Variants in ERCC6L observed in about 807,000 individuals in gnomAD.
The protein encoded by ERCC6L is DNA excision repair protein ERCC-6-like.
In ERCC6L, 7 loss-of-function variants were observed where a neutral mutation model predicts 20.1. That is an observed-to-expected ratio of 0.35 (90% confidence interval 0.20 to 0.65). The LOEUF (loss-of-function observed/expected upper bound fraction) is 0.65, where lower values mean the gene tolerates loss of function less well. Ranked by LOEUF, ERCC6L falls within the 30% of genes least tolerant of loss-of-function variation. The pLI is 0.69. For missense variants in ERCC6L, 592 were observed against 892.4 expected, an observed-to-expected ratio of 0.66 and a Z score of 4.29; for synonymous variants, 278 against 331.3, an observed-to-expected ratio of 0.84 and a Z score of 1.75.
At chrX:72,209,546 G>GC (rs1372952448) in intron 1 of ERCC6L, among the ~76,000 whole-genome samples, 3 of 111,159 alleles carry the variant, frequency 2.7e-5, no homozygotes, top group Non-Finnish European at 5.7e-5. Context: ...TTCTTTTTAT[G>GC]CCCCACCCCC....
chrX:72,212,739 G>A (rs1000749566), intron 1 of ERCC6L, among the ~76,000 whole-genome samples: 1 of 111,951 alleles, frequency 8.9e-6, no homozygotes, highest in East Asian at 2.8e-4. Context: ...CCAGGAGTTT[G>A]AGACTAGCCT....
intron 1 of ERCC6L, among the ~76,000 whole-genome samples, chrX:72,218,877 A>G (rs1207184001): frequency 8.9e-6 from 1 of 112,482 alleles, no homozygotes; most frequent in East Asian, 2.8e-4. Context: ...TTCTTTCAAC[A>G]ATGTTTTATA....
At chrX:72,211,237 C>T (rs1232047653) in intron 1 of ERCC6L, among the ~76,000 whole-genome samples, 1 of 110,830 alleles carries the variant, frequency 9.0e-6, no homozygotes, top group Non-Finnish European at 1.9e-5. Context: ...TCCAGAATTG[C>T]TCCCCTATTT....
chrX:72,205,993 T>C lies in ERCC6L; in HGVS notation c.2774A>G (p.His925Arg). 8.3e-7 allele frequency: 1 copy of C among 1,211,569 alleles called. No homozygotes were observed. The highest frequency in any genetic ancestry group is 1.8e-5 in the South Asian group (1 of 57,000). The part of the protein sequence containing the change: ...IEIADDLSAS[H>R]SALQDAQASE... ...TGCTTGAGCATCCTGCAGTGCACTA[T>C]GGGATGCTGAAAGGTCATCAGCTAT... The change falls in exon 2 of 2, where the codon CAT (histidine) becomes CGT (arginine). Residue 925 changes from histidine to arginine, a missense_variant. By Grantham distance (29) the His-to-Arg change is conservative. This residue lies in a region of ERCC6L where 352 missense variants were observed against 402.6 expected (regional missense o/e 0.87). Coordinates refer to ENST00000334463, the MANE Select transcript of ERCC6L (RefSeq NM_017669.4).
intron 1 of ERCC6L, among the ~76,000 whole-genome samples, chrX:72,227,557 C>T (rs995539103): frequency 9.0e-6 from 1 of 111,380 alleles, no homozygotes; most frequent in African/African-American, 3.3e-5. Context: ...GGTCAAACAC[C>T]ACCTCTACCA....
At chrX:72,229,408 A>G (rs2042970904) in intron 1 of ERCC6L, among the ~76,000 whole-genome samples, 1 of 111,550 alleles carries the variant, frequency 9.0e-6, no homozygotes, top group Admixed American at 9.6e-5. Context: ...CTCAATATCA[A>G]TGGTGCAACA....
Position 72,204,700 on chromosome X carries a change from G to A in ERCC6L, c.*314C>T. On this transcript the variant is annotated 3_prime_UTR_variant, in exon 2 of 2. Coordinates refer to ENST00000334463, the MANE Select transcript of ERCC6L (RefSeq NM_017669.4). ...TAACTTTAATTTTCTTATCTGAACTGTTATATACAAAGATGATCACTTTCA... is the reference window on the plus strand; with the variant it reads ...TAACTTTAATTTTCTTATCTGAACTATTATATACAAAGATGATCACTTTCA... The A allele has an allele frequency of 6.4e-6, 1 of 157,387 alleles. No individual in the cohort carries two copies. Among genetic ancestry groups the A allele is most frequent in the Non-Finnish European group, 1.2e-5 (1 of 82,531 alleles). 13.0% of individuals were successfully genotyped at this position (157,387 alleles called of 1,213,427 possible).
chrX:72,238,984 T>C lies in ERCC6L; in HGVS notation c.-73A>G, dbSNP rs1332260156. Reference sequence around the variant, plus strand: ...GAGCTTGGAGCTTGGAGCTTGGAGCTTAGAGTTTGGAGCTTGAATTTCGCT... The same window carrying C: ...GAGCTTGGAGCTTGGAGCTTGGAGCCTAGAGTTTGGAGCTTGAATTTCGCT... On this transcript the variant is annotated 5_prime_UTR_variant, in exon 1 of 2. Coordinates refer to ENST00000334463, the MANE Select transcript of ERCC6L (RefSeq NM_017669.4). 3 of 1,021,096 alleles carry C rather than the reference T, an allele frequency of 2.9e-6. No individual in the cohort carries two copies. Among genetic ancestry groups the C allele is most frequent in the Non-Finnish European group, 4.0e-6 (3 of 742,410 alleles). The allele number at this position is 1,021,096 out of a possible 1,213,427, so 84.1% of individuals were successfully genotyped here.
Position 72,218,144 on chromosome X carries a change from C to T in ERCC6L, c.69-9446G>A, listed in dbSNP as rs924408422. Among the ~76,000 whole-genome samples the T allele has an allele frequency of 2.7e-5, 3 of 109,119 alleles. No individual in the cohort carries two copies. The Admixed American group carries it at 2.9e-4, about 11-fold the overall frequency. The allele number at this position is 109,119 out of a possible 115,157, so 94.8% of individuals were successfully genotyped here. ...AATTAGCTGGGCATGGTGGTGGGCG[C>T]CTGTAGTCCCAGCTACTCAGGAGGC... On this transcript the variant is annotated intron_variant, in intron 1 of 1. Transcript: ENST00000334463.
chrX:72,228,302 C>A (rs1392070341), intron 1 of ERCC6L, among the ~76,000 whole-genome samples: 1 of 112,152 alleles, frequency 8.9e-6, no homozygotes, highest in Non-Finnish European at 1.9e-5. Context: ...AGTGCTATTT[C>A]TTTATGGCAC....
chrX:72,217,319 TA>T (rs1366290672), intron 1 of ERCC6L, among the ~76,000 whole-genome samples: 1 of 112,090 alleles, frequency 8.9e-6, no homozygotes, highest in Admixed American at 9.5e-5. Flanking sequence ...TGACAGGGTA[TA>T]AAGGACCTAA....
At chrX:72,232,955 T>C (rs917970039) in intron 1 of ERCC6L, among the ~76,000 whole-genome samples, 2 of 110,398 alleles carry the variant, frequency 1.8e-5, no homozygotes, top group Admixed American at 1.9e-4. Flanking sequence ...AAAAAACTGA[T>C]TTGAGCAATA....
At chrX:72,235,645 G>A (rs2147606810) in intron 1 of ERCC6L, among the ~76,000 whole-genome samples, 1 of 111,252 alleles carries the variant, frequency 9.0e-6, no homozygotes, top group African/African-American at 3.3e-5. Flanking sequence ...CACCCACCTT[G>A]GCCTCCCCAA....
In ERCC6L at chrX:72,205,594, T is replaced by C; in HGVS notation, c.3173A>G (p.Gln1058Arg). ...TSLFQFSSVK[Q>R]FDASTPKNDI... The stretch of plus-strand genomic sequence containing the variant: ...ATTTTTGGGAGTTGAAGCATCAAAT[T>C]GTTTCACAGATGAGAATTGAAAGAG... The change falls in exon 2 of 2, where the codon CAA becomes CGA. Residue 1058 changes from glutamine to arginine, a missense_variant. This residue lies in a region of ERCC6L where 352 missense variants were observed against 402.6 expected (regional missense o/e 0.87). Transcript: ENST00000334463. 8.3e-7 allele frequency: 1 copy of C among 1,211,439 alleles called. No individual in the cohort carries two copies. The highest frequency in any genetic ancestry group is 1.8e-5 in the South Asian group (1 of 56,917).
intron 1 of ERCC6L, among the ~76,000 whole-genome samples, chrX:72,212,206 G>C (rs2042859265): frequency 9.1e-6 from 1 of 110,363 alleles, no homozygotes; most frequent in Non-Finnish European, 1.9e-5. Flanking sequence ...GAAAGGCGGG[G>C]GTTGCAGTGA....
At position 72,208,044 on chromosome X, in the gene ERCC6L, T is replaced by C. The variant is rs765647521; in HGVS notation, c.723A>G (p.Ala241=). 1 of 1,211,812 alleles carries C rather than the reference T, an allele frequency of 8.3e-7. No individual in the cohort carries two copies. The highest frequency in any genetic ancestry group is 3.0e-5 in the East Asian group (1 of 33,868). The part of the protein sequence containing the change: ...HKIKTSSTKS[A]ICARAIPASN... ...TTGCAGGAATAGCACGAGCACATAT[T>C]GCTGACTTAGTAGATGAGGTTTTTA... The change falls in exon 2 of 2, where the codon GCA becomes GCG. Residue 241 remains alanine (A), a synonymous_variant. Coordinates refer to ENST00000334463, the MANE Select transcript of ERCC6L (RefSeq NM_017669.4).
chrX:72,208,562 C>G lies in ERCC6L; in HGVS notation c.205G>C (p.Glu69Gln). The G allele has an allele frequency of 1.7e-6, 2 of 1,211,847 alleles. No individual in the cohort carries two copies. The highest frequency in any genetic ancestry group is 2.2e-6 in the Non-Finnish European group (2 of 895,516). The change falls in exon 2 of 2, where the codon GAG (glutamate) becomes CAG (glutamine). Residue 69 changes from glutamate to glutamine, a missense_variant. Glu to Gln is a conservative substitution (Grantham distance 29). Around this residue, in one of 3 missense-constraint regions of ERCC6L, gnomAD observed 44 missense variants for 49.8 expected, o/e 0.88. Coordinates refer to ENST00000334463, the MANE Select transcript of ERCC6L (RefSeq NM_017669.4). ...RIQKIQEALE[E>Q]LAEQGDDEFT... ...TCATCATCTCCCTGTTCTGCCAACT[C>G]CTCCAAGGCTTCCTGTATTTTTTGG...
At chrX:72,219,847 C>CAAAA (rs55860938) in intron 1 of ERCC6L, among the ~76,000 whole-genome samples, 1 of 64,998 alleles carries the variant, frequency 1.5e-5, no homozygotes, top group Non-Finnish European at 3.1e-5. Context: ...GACTCCGTCT[C>CAAAA]AAAAAAAAAA....
intron 1 of ERCC6L, among the ~76,000 whole-genome samples, chrX:72,234,075 A>C (rs2043002251): frequency 9.1e-6 from 1 of 110,311 alleles, no homozygotes; most frequent in Admixed American, 9.8e-5. Flanking sequence ...GCGCCACTGC[A>C]CTCCAGCCTG....
Sources: allele counts gnomAD v4.1 joint callset (sites outside exome capture counted in the v4.1 genomes callset), GRCh38; gene constraint gnomAD v4.1.1; regional missense constraint gnomAD v4.1.1; transcripts MANE v1.5; gene names NCBI Gene and HGNC (gene_info 2026-07-23, HGNC 2026-07-21).